Variants in ZNF804A observed in about 807,000 individuals in gnomAD.
ZNF804A encodes zinc finger protein 804A.
A neutral mutation model predicts 16.5 loss-of-function variants in ZNF804A; 2 were observed. The observed-to-expected ratio is 0.12, with a 90% CI of 0.05 to 0.38. ZNF804A has a LOEUF of 0.38. Among genes scored for constraint, ZNF804A ranks in the 10% least tolerant of loss-of-function variants. The pLI is 0.99. For missense variants in ZNF804A, 1,473 were observed against 1,390.7 expected (o/e 1.06, Z -0.94); for synonymous variants, 534 against 489.6 (o/e 1.09, Z -1.20).
intron 1 of ZNF804A, among the ~76,000 whole-genome samples, chr2:184,778,170 T>C (rs942766350): frequency 6.6e-6 from 1 of 151,632 alleles, no homozygotes; most frequent in Non-Finnish European, 1.5e-5. Context: ...TGCTTTGCTT[T>C]CCATTAAGAA....
At chr2:184,728,293 C>T (rs536476672) in intron 1 of ZNF804A, among the ~76,000 whole-genome samples, 8 of 151,798 alleles carry the variant, frequency 5.3e-5, no homozygotes, top group South Asian at 2.1e-4. Context: ...TTTCCAGTTC[C>T]GTGCAATTTC....
At chr2:184,718,737 G>A (rs1173818790) in intron 1 of ZNF804A, among the ~76,000 whole-genome samples, 2 of 152,068 alleles carry the variant, frequency 1.3e-5, no homozygotes, top group African/African-American at 4.8e-5. Flanking sequence ...CATGGTCTTG[G>A]GCAGTTCCAA....
intron 1 of ZNF804A, among the ~76,000 whole-genome samples, chr2:184,839,060 A>T (rs1411926750): frequency 1.3e-5 from 2 of 152,102 alleles, no homozygotes; most frequent in Non-Finnish European, 2.9e-5. Context: ...TATATTATTC[A>T]AACTAACATT....
chr2:184,857,794 A>G (rs934888492), intron 1 of ZNF804A, among the ~76,000 whole-genome samples: 1 of 151,764 alleles, frequency 6.6e-6, no homozygotes, highest in South Asian at 2.1e-4. Flanking sequence ...TTTGGTTTTC[A>G]TTTGCATGTA....
chr2:184,802,266 T>A (rs1440301564), intron 1 of ZNF804A, among the ~76,000 whole-genome samples: 1 of 152,168 alleles, frequency 6.6e-6, no homozygotes, highest in Non-Finnish European at 1.5e-5. Flanking sequence ...AGGGTTGAAA[T>A]TGGGCAAAGG....
At chr2:184,874,114 C>T (rs923406792) in intron 2 of ZNF804A, among the ~76,000 whole-genome samples, 2 of 152,072 alleles carry the variant, frequency 1.3e-5, no homozygotes, top group Non-Finnish European at 2.9e-5. Context: ...AAAGACTACA[C>T]CTTTTTTATA....
At chr2:184,823,779 A>T (rs1266447312) in intron 1 of ZNF804A, among the ~76,000 whole-genome samples, 1 of 152,136 alleles carries the variant, frequency 6.6e-6, no homozygotes. Context: ...CCTTTATATA[A>T]GAATTCCTCT....
intron 1 of ZNF804A, among the ~76,000 whole-genome samples, chr2:184,741,985 G>A (rs1346163736): frequency 1.3e-5 from 2 of 151,730 alleles, no homozygotes; most frequent in African/African-American, 2.4e-5. Flanking sequence ...AAATATTTTT[G>A]CATTTTAATT....
chr2:184,702,211 C>G lies in ZNF804A; in HGVS notation c.111+103141C>G, dbSNP rs542177853. 8.3e-4 allele frequency among the ~76,000 whole-genome samples: 127 copies of G among 152,100 alleles called. 2 individuals carry two copies. In the Middle Eastern group the frequency reaches 0.017, roughly 20 times the overall value. On this transcript the variant is annotated intron_variant, in intron 1 of 3. Transcript: ENST00000302277. ...AATTGTATCAATAATTGCATAGTCA[C>G]AACCCTTTATCTATGATCATTTCCT...
intron 2 of ZNF804A, among the ~76,000 whole-genome samples, chr2:184,889,409 GC>G (rs1236521173): frequency 6.6e-6 from 1 of 151,648 alleles, no homozygotes; most frequent in East Asian, 1.9e-4. Flanking sequence ...ACTTCTATAA[GC>G]AATTTTATTT....
rs140538754 is a variant in ZNF804A at position 184,905,515 on chromosome 2, G to A, written c.256-28088G>A. Among the ~76,000 whole-genome samples the A allele has an allele frequency of 2.8e-3, 430 of 152,004 alleles. 4 individuals carry two copies. Among genetic ancestry groups the A allele is most frequent in the African/African-American group, 8.8e-3 (365 of 41,472 alleles). On this transcript the variant is annotated intron_variant, in intron 2 of 3. Coordinates refer to ENST00000302277, the MANE Select transcript of ZNF804A (RefSeq NM_194250.2). ...TTTCCCTGAGAGATTTGCATGTGTC[G>A]CTTTTCTATCATTTAGTGTTACCGA...
At chr2:184,626,888 T>C (rs1196531035) in intron 1 of ZNF804A, among the ~76,000 whole-genome samples, 2 of 152,188 alleles carry the variant, frequency 1.3e-5, no homozygotes, top group South Asian at 4.1e-4. Flanking sequence ...ATTCAAACCA[T>C]GTGGACTGTC....
intron 2 of ZNF804A, among the ~76,000 whole-genome samples, chr2:184,867,418 G>A (rs995126200): frequency 3.3e-5 from 5 of 152,024 alleles, no homozygotes; most frequent in Admixed American, 3.3e-4. Flanking sequence ...TTTATTGTAA[G>A]AAAGAAAAAG....
chr2:184,675,356 A>C (rs565095787), intron 1 of ZNF804A, among the ~76,000 whole-genome samples: 1 of 151,826 alleles, frequency 6.6e-6, no homozygotes, highest in African/African-American at 2.4e-5. Context: ...TAAAGCAATA[A>C]ATTTGACTTA....
intron 1 of ZNF804A, among the ~76,000 whole-genome samples, chr2:184,779,880 T>C (rs1574208704): frequency 6.6e-6 from 1 of 151,716 alleles, no homozygotes; most frequent in East Asian, 1.9e-4. Flanking sequence ...TTTTGTGATG[T>C]GTAAAATTGT....
At chr2:184,772,756 C>A (rs546386831) in intron 1 of ZNF804A, among the ~76,000 whole-genome samples, 1 of 151,700 alleles carries the variant, frequency 6.6e-6, no homozygotes, top group South Asian at 2.1e-4. Flanking sequence ...AGAGTTCCAA[C>A]TTTCCCATAT....
At chr2:184,706,898 A>G (rs1338789930) in intron 1 of ZNF804A, among the ~76,000 whole-genome samples, 3 of 152,228 alleles carry the variant, frequency 2.0e-5, no homozygotes, top group Non-Finnish European at 2.9e-5. Flanking sequence ...AACTACATGA[A>G]TATCATTGGG....
At chr2:184,646,079 G>A (rs1691865550) in intron 1 of ZNF804A, among the ~76,000 whole-genome samples, 1 of 152,194 alleles carries the variant, frequency 6.6e-6, no homozygotes, top group African/African-American at 2.4e-5. Context: ...AAGACTGAGA[G>A]CAGAGGCCAT....
At chr2:184,624,285 T>G (rs1691464820) in intron 1 of ZNF804A, among the ~76,000 whole-genome samples, 2 of 152,150 alleles carry the variant, frequency 1.3e-5, no homozygotes, top group Admixed American at 6.6e-5. Flanking sequence ...TATGCTATAT[T>G]TTACCACAAT....
Sources: allele counts gnomAD v4.1 joint callset (sites outside exome capture counted in the v4.1 genomes callset), GRCh38; gene constraint gnomAD v4.1.1; transcripts MANE v1.5; gene names NCBI Gene and HGNC (gene_info 2026-07-23, HGNC 2026-07-21).